Variants in COL3A1 observed in about 807,000 individuals in gnomAD.
COL3A1 encodes the protein collagen type III alpha 1 chain, also known as collagen alpha-1(III) chain.
COL3A1 carries 46 observed loss-of-function variants against 200.9 expected under a neutral mutation model. The ratio of observed to expected loss-of-function variants is 0.23; its 90% CI spans 0.18 to 0.29. The LOEUF is 0.29. COL3A1 is among the 10% of genes least tolerant of loss of function. The pLI, the probability that COL3A1 is intolerant of heterozygous loss-of-function variation, is 1.00. For synonymous variants in COL3A1, 650 were observed against 628.0 expected, an observed-to-expected ratio of 1.03 and a Z score of -0.52; for missense variants, 1,367 against 1,917.6, an observed-to-expected ratio of 0.71 and a Z score of 5.36.
intron 4 of COL3A1, 54 bp downstream of exon 4, chr2:188,985,832 T>C (rs1688054935): frequency 1.7e-6 from 2 of 1,184,796 alleles, no homozygotes; most frequent in Admixed American, 3.5e-5. Context: ...CTAGTTCATC[T>C]TCTTTCTTTA....
intron 47 of COL3A1, 109 bp downstream of exon 47, chr2:189,008,251 T>C: frequency 2.2e-6 from 2 of 903,740 alleles, no homozygotes; most frequent in Non-Finnish European, 3.6e-6. Context: ...ATGCATCCAC[T>C]CAATTTAGAA....
intron 36 of COL3A1, 31 bp from the exon 37 acceptor site, chr2:189,003,380 T>A: frequency 6.2e-7 from 1 of 1,606,260 alleles, no homozygotes; most frequent in Non-Finnish European, 8.5e-7. Flanking sequence ...TTTGGTGCTA[T>A]TCTTACATAA....
chr2:188,990,897 C>T (rs1197763249), intron 10 of COL3A1, 107 bp from the exon 11 acceptor site: 2 of 1,070,528 alleles, frequency 1.9e-6, no homozygotes, highest in Admixed American at 3.6e-5. Flanking sequence ...GCTAATTTTG[C>T]AAGTAGTGTT....
rs1205063737 is a variant in COL3A1, at chr2:188,991,581, G to A, written c.897+50G>A. Reference sequence around the variant, plus strand: ...TTTCAGTTTTATTATTAACCTCATTGTTACCTAAAACTGGCTTTGCTCCCA... The same window carrying A: ...TTTCAGTTTTATTATTAACCTCATTATTACCTAAAACTGGCTTTGCTCCCA... On this transcript the variant is annotated intron_variant, in intron 12 of 50. Coordinates refer to ENST00000304636, the MANE Select transcript of COL3A1 (RefSeq NM_000090.4). The A allele has an allele frequency of 2.5e-6, 4 of 1,601,258 alleles. No individual in the cohort carries two copies. The South Asian group carries it at 4.4e-5, about 18-fold the overall frequency.
chr2:188,986,864 C>T (rs1235527346), intron 4 of COL3A1, among the ~76,000 whole-genome samples, 195 bp from the exon 5 acceptor site: 2 of 152,032 alleles, frequency 1.3e-5, no homozygotes, highest in Non-Finnish European at 2.9e-5. Flanking sequence ...CAAGAAAATG[C>T]TTCTGTAGGA....
At chr2:188,999,149 T>C (rs1257003441) in intron 29 of COL3A1, 136 bp from the exon 30 acceptor site, 10 of 858,102 alleles carry the variant, frequency 1.2e-5, no homozygotes, top group African/African-American at 1.7e-5. Flanking sequence ...GCTGTTCAAC[T>C]ATTTTTAAGT....
chr2:189,010,510 A>G, intron 49 of COL3A1, 138 bp from the exon 50 acceptor site: 1 of 1,485,606 alleles, frequency 6.7e-7, no homozygotes. Context: ...TGCAATAAAA[A>G]TATTTTCACA....
intron 21 of COL3A1, chr2:188,995,490 G>T: frequency 1.8e-6 from 1 of 568,692 alleles, no homozygotes. Context: ...TATTAAGCAT[G>T]TGATGTTCAC....
At chr2:188,999,730 T>C (rs754410251) in intron 31 of COL3A1, 112 bp from the exon 32 acceptor site, 124 of 1,369,548 alleles carry the variant, frequency 9.1e-5, no homozygotes, top group Non-Finnish European at 1.2e-4. Flanking sequence ...AAAGCAACAA[T>C]GAATTAGAAC....
chr2:188,980,497 C>T (rs1391123220), intron 1 of COL3A1, among the ~76,000 whole-genome samples: 1 of 149,672 alleles, frequency 6.7e-6, no homozygotes, highest in African/African-American at 2.4e-5. Flanking sequence ...GATTAATCAA[C>T]TTAAAGGACA....
Position 188,995,124 on chromosome 2 carries a change from C to T in COL3A1, c.1509+25C>T, listed in dbSNP as rs138550180. ...GGTAGATAACTTTAGTTTCTATGTT[C>T]CTAAATGCTAGCACCACAAATGGGC... On this transcript the variant is annotated intron_variant, in intron 21 of 50. Coordinates refer to ENST00000304636, the MANE Select transcript of COL3A1 (RefSeq NM_000090.4). 1.9e-5 allele frequency: 31 copies of T among 1,610,020 alleles called. No homozygotes were observed. In the African/African-American group the frequency reaches 4.1e-4, roughly 21 times the overall value.
At chr2:188,998,971 A>G (rs1024025665) in intron 29 of COL3A1, among the ~76,000 whole-genome samples, 2 of 152,220 alleles carry the variant, frequency 1.3e-5, no homozygotes, top group Non-Finnish European at 2.9e-5. Context: ...ACGGAAAAAT[A>G]TTGCCAATAT....
At chr2:188,986,030 G>A (rs1688058504) in intron 4 of COL3A1, among the ~76,000 whole-genome samples, 2 of 151,918 alleles carry the variant, frequency 1.3e-5, no homozygotes, top group South Asian at 4.1e-4. Flanking sequence ...TTTCTCAGCA[G>A]ATATATAGCA....
chr2:188,993,454 C>T lies in COL3A1; in HGVS notation c.1144C>T (p.Pro382Ser). The T allele has an allele frequency of 6.4e-7, 1 of 1,552,464 alleles. No individual in the cohort carries two copies. The highest frequency in any genetic ancestry group is 2.4e-5 in the East Asian group (1 of 41,134). ...GPQGHAGAQG[P>S]PGPPGINGSP... ...TCAGGGACACGCTGGTGCTCAAGGTCCTCCTGTAAGTATCATAGTTGAGAG... is the reference window on the plus strand; with the variant it reads ...TCAGGGACACGCTGGTGCTCAAGGTTCTCCTGTAAGTATCATAGTTGAGAG... The change falls in exon 16 of 51, where the codon CCT becomes TCT. Residue 382 changes from proline (P) to serine (S), a missense_variant. This residue lies in a region of COL3A1 where 462 missense variants were observed against 681.4 expected (regional missense o/e 0.68). Coordinates refer to ENST00000304636, the MANE Select transcript of COL3A1 (RefSeq NM_000090.4).
At chr2:188,999,150 A>G (rs1688394222) in intron 29 of COL3A1, 135 bp from the exon 30 acceptor site, 15 of 869,872 alleles carry the variant, frequency 1.7e-5, no homozygotes, top group Non-Finnish European at 2.6e-5. Flanking sequence ...CTGTTCAACT[A>G]TTTTTAAGTA....
intron 15 of COL3A1, 134 bp downstream of exon 15, chr2:188,993,074 A>G (rs1688222078): frequency 6.1e-6 from 5 of 817,296 alleles, no homozygotes; most frequent in Admixed American, 2.2e-5. Context: ...TTAAAGCCCT[A>G]TTCTTGATTC....
chr2:188,994,347 T>A lies in COL3A1; in HGVS notation c.1293+15T>A, dbSNP rs2271679. ...GAGGTGGTGCAGTAAGTTGCCTTGT[T>A]TTTTCTCTGTTGACTGAAAGGTATA... On this transcript the variant is annotated intron_variant, in intron 18 of 50. Coordinates refer to ENST00000304636, the MANE Select transcript of COL3A1 (RefSeq NM_000090.4). The surrounding 1 kb of genome is among the most constrained non-coding windows in gnomAD (Gnocchi z 4.5). 0.042 allele frequency: 68,149 copies of A among 1,613,044 alleles called. 6,164 individuals carry two copies. The highest frequency in any genetic ancestry group is 0.38 in the African/African-American group (28,474 of 74,880).
intron 1 of COL3A1, among the ~76,000 whole-genome samples, chr2:188,979,167 T>C (rs1687896439): frequency 6.6e-6 from 1 of 151,984 alleles, no homozygotes; most frequent in Non-Finnish European, 1.5e-5. Context: ...ATTAAGAAAG[T>C]ACTGCTTCAG....
intron 1 of COL3A1, among the ~76,000 whole-genome samples, chr2:188,982,718 G>T (rs1038629708): frequency 6.6e-6 from 1 of 151,768 alleles, no homozygotes; most frequent in Non-Finnish European, 1.5e-5. Flanking sequence ...TTATTAATGG[G>T]AAAATCTTGG....
Sources: gnomAD v4.1 joint callset for allele counts (sites outside exome capture counted in the v4.1 genomes callset) on GRCh38, gnomAD v4.1.1 for gene constraint, gnomAD v4.1.1 regional missense constraint, Gnocchi (gnomAD v3.1) non-coding constraint, MANE v1.5 for transcripts, NCBI Gene and HGNC (gene_info 2026-07-23, HGNC 2026-07-21) for gene names.